The following BFAR variants were observed in gnomAD, a reference collection of about 807,000 sequenced individuals.
BFAR encodes RING finger protein 47.
A neutral mutation model predicts 54.4 loss-of-function variants in BFAR; 52 were observed. That is an observed-to-expected ratio of 0.96 (90% confidence interval 0.77 to 1.21). BFAR has a LOEUF of 1.21. BFAR is among the 50% of genes most tolerant of loss of function. The probability of loss-of-function intolerance (pLI) is 0.00; values close to 1 mark genes in which losing one functional copy is unlikely to be tolerated. For synonymous variants in BFAR, 215 were observed against 204.3 expected, an observed-to-expected ratio of 1.05 and a Z score of -0.45; for missense variants, 571 against 534.0, an observed-to-expected ratio of 1.07 and a Z score of -0.68.
intron 1 of BFAR, among the ~76,000 whole-genome samples, chr16:14,636,885 C>T (rs1449719187): frequency 6.6e-6 from 1 of 152,212 alleles, no homozygotes; most frequent in Non-Finnish European, 1.5e-5. Context: ...TGCCTTCAAG[C>T]ATCTGTTTAA....
At position 14,635,140 on chromosome 16, in the gene BFAR, G is replaced by C. The variant is rs1959392972; in HGVS notation, c.-74+2122G>C. Among the ~76,000 whole-genome samples the C allele has an allele frequency of 4.6e-5, 7 of 152,202 alleles. No individual in the cohort carries two copies. In the South Asian group the frequency reaches 1.4e-3, roughly 32 times the overall value. ...GCTTGAGCTCAGGTGTTCAAGATCA[G>C]CTTGGGATACATGGTGAAACCCTGT... On this transcript the variant is annotated intron_variant, in intron 1 of 7. Transcript: ENST00000261658.
At position 14,665,174 on chromosome 16, in the gene BFAR, C is replaced by T. The variant is rs1960409240; in HGVS notation, c.1160+103C>T. The T allele has an allele frequency of 1.3e-5, 15 of 1,159,164 alleles. No homozygotes were observed. The South Asian group carries it at 1.8e-4, about 14-fold the overall frequency. 71.8% of individuals were successfully genotyped at this position (1,159,164 alleles called of 1,614,324 possible). ...TCACACTTGAAATAAATCCTCCATC[C>T]ACCCAGACCCTTCAGACTCTGCTTT... On this transcript the variant is annotated intron_variant, in intron 7 of 7. Coordinates refer to ENST00000261658, the MANE Select transcript of BFAR (RefSeq NM_016561.3).
chr16:14,651,923 G>C (rs1176112216), intron 4 of BFAR, among the ~76,000 whole-genome samples: 1 of 127,534 alleles, frequency 7.8e-6, no homozygotes, highest in African/African-American at 3.0e-5. Context: ...GTCTCGCTCT[G>C]TCCTTCAGGC....
chr16:14,660,086 C>T (rs558470728), intron 5 of BFAR, among the ~76,000 whole-genome samples: 2 of 152,248 alleles, frequency 1.3e-5, no homozygotes, highest in African/African-American at 2.4e-5. Flanking sequence ...TCCGTCACTC[C>T]CAGAAGTTTC....
chr16:14,662,143 C>A, intron 6 of BFAR, 78 bp downstream of exon 6: 3 of 1,509,692 alleles, frequency 2.0e-6, no homozygotes, highest in Non-Finnish European at 2.7e-6. Context: ...CCATGGGTGC[C>A]ATGTTTCTTC....
intron 1 of BFAR, among the ~76,000 whole-genome samples, chr16:14,637,570 C>CA (rs1444138832): frequency 6.6e-6 from 1 of 152,170 alleles, no homozygotes; most frequent in African/African-American, 2.4e-5. Flanking sequence ...TGCAATGGCT[C>CA]ACGCCTGTAA....
chr16:14,648,878 T>G (rs1307604312), intron 3 of BFAR, among the ~76,000 whole-genome samples: 2 of 152,054 alleles, frequency 1.3e-5, no homozygotes, highest in Non-Finnish European at 2.9e-5. Context: ...GTTTTGTTTT[T>G]GAGACGGACT....
chr16:14,634,505 T>A (rs1959371869), intron 1 of BFAR, among the ~76,000 whole-genome samples: 1 of 152,206 alleles, frequency 6.6e-6, no homozygotes, highest in African/African-American at 2.4e-5. Context: ...ACAGCAAACT[T>A]TGAGTACCTG....
chr16:14,661,951 G>T lies in BFAR; in HGVS notation c.843G>T (p.Leu281=). 1 of 1,614,150 alleles carries T rather than the reference G, an allele frequency of 6.2e-7. No homozygotes were observed. The highest frequency in any genetic ancestry group is 8.5e-7 in the Non-Finnish European group (1 of 1,180,038). The change falls in exon 6 of 8, where the codon CTG becomes CTT. Residue 281 remains leucine (L), a synonymous_variant. Coordinates refer to ENST00000261658, the MANE Select transcript of BFAR (RefSeq NM_016561.3). The part of the protein sequence containing the change: ...LLYALKSSPR[L]SLLYLYLFDY... ...ACGCCCTCAAGAGCTCCCCCAGGCT[G>T]AGTCTGCTCTACCTGTACCTGTTTG...
intron 1 of BFAR, 110 bp from the exon 2 acceptor site, chr16:14,644,162 CAA>C (rs368944439): frequency 0.031 from 14,746 of 476,128 alleles, no homozygotes; most frequent in Middle Eastern, 0.041. Flanking sequence ...GACTGTGTCT[CAA>C]AAAAAAAAAA....
intron 4 of BFAR, among the ~76,000 whole-genome samples, chr16:14,653,414 A>G (rs1042141710): frequency 6.6e-6 from 1 of 151,724 alleles, no homozygotes; most frequent in African/African-American, 2.4e-5. Context: ...TGCAACCTTC[A>G]CCTCCTGGGT....
chr16:14,663,335 AAT>A (rs903563864), intron 6 of BFAR, among the ~76,000 whole-genome samples: 30 of 149,956 alleles, frequency 2.0e-4, no homozygotes, highest in Non-Finnish European at 4.0e-4. Flanking sequence ...TCATCAGGCT[AAT>A]TTTTTTTTTT....
chr16:14,665,610 G>A (rs1036617740), intron 7 of BFAR, among the ~76,000 whole-genome samples: 5 of 152,174 alleles, frequency 3.3e-5, no homozygotes, highest in Non-Finnish European at 7.3e-5. Flanking sequence ...CTTCAGAAGG[G>A]ATGTGCAGAA....
chr16:14,662,849 C>T (rs529159209), intron 6 of BFAR, among the ~76,000 whole-genome samples: 1 of 152,260 alleles, frequency 6.6e-6, no homozygotes, highest in Admixed American at 6.6e-5. Flanking sequence ...GTCGGCAAGA[C>T]TCCTGTCTCA....
At chr16:14,643,155 A>T (rs181213601) in intron 1 of BFAR, among the ~76,000 whole-genome samples, 3 of 152,346 alleles carry the variant, frequency 2.0e-5, no homozygotes, top group Non-Finnish European at 4.4e-5. Flanking sequence ...TCTACTAAAA[A>T]TACAAAAATT....
chr16:14,649,085 T>TC, intron 3 of BFAR, among the ~76,000 whole-genome samples: 1 of 149,190 alleles, frequency 6.7e-6, no homozygotes, highest in East Asian at 1.9e-4. Context: ...TTTTTTTTTT[T>TC]TTTTTTTTGA....
At chr16:14,650,936 T>C (rs1959950361) in intron 4 of BFAR, among the ~76,000 whole-genome samples, 1 of 152,236 alleles carries the variant, frequency 6.6e-6, no homozygotes, top group Non-Finnish European at 1.5e-5. Flanking sequence ...CACCGTTTAA[T>C]GTCCATGACA....
rs370479526 is a variant in BFAR at position 14,638,216 on chromosome 16, A to G, written c.-74+5198A>G. Among the ~76,000 whole-genome samples the G allele has an allele frequency of 3.3e-5, 5 of 152,176 alleles. No homozygotes were observed. In the East Asian group the frequency reaches 7.7e-4, roughly 23 times the overall value. On this transcript the variant is annotated intron_variant, in intron 1 of 7. Transcript: ENST00000261658. Reference sequence around the variant, plus strand: ...TGGACAACTTAACAAGACCCTGTCTATACAAAAAAAATTTTAATTAGCTGG... The same window carrying G: ...TGGACAACTTAACAAGACCCTGTCTGTACAAAAAAAATTTTAATTAGCTGG...
intron 6 of BFAR, among the ~76,000 whole-genome samples, chr16:14,663,826 A>G (rs1042633510): frequency 6.6e-6 from 1 of 152,082 alleles, no homozygotes; most frequent in Non-Finnish European, 1.5e-5. Context: ...TTGATGGGAG[A>G]ATAACTGGTT....
Sources: allele counts gnomAD v4.1 joint callset (sites outside exome capture counted in the v4.1 genomes callset), GRCh38; gene constraint gnomAD v4.1.1; transcripts MANE v1.5; gene names NCBI Gene and HGNC (gene_info 2026-07-23, HGNC 2026-07-21).